The following EFCAB10 variants were observed in gnomAD, a reference collection of about 807,000 sequenced individuals.
The protein encoded by EFCAB10 is EF-hand calcium-binding domain-containing protein 10.
Under a neutral mutation model 7.7 loss-of-function variants are expected in EFCAB10, and 7 were observed. The ratio of observed to expected loss-of-function variants is 0.91; its 90% CI spans 0.52 to 1.72. EFCAB10 has a LOEUF of 1.72. EFCAB10 is among the 40% of genes most tolerant of loss of function. The probability of loss-of-function intolerance (pLI) is 0.00; values close to 1 mark genes in which losing one functional copy is unlikely to be tolerated. For missense variants in EFCAB10, 112 were observed against 61.5 expected, an observed-to-expected ratio of 1.82 and a Z score of -2.74; for synonymous variants, 52 against 21.0, an observed-to-expected ratio of 2.47 and a Z score of -4.03.
intron 1 of EFCAB10, among the ~76,000 whole-genome samples, chr7:105,570,692 T>A (rs1791927575): frequency 6.6e-6 from 1 of 152,088 alleles, no homozygotes; most frequent in Non-Finnish European, 1.5e-5. Flanking sequence ...TTTATAGGCA[T>A]GAGCCACCAT....
At chr7:105,572,738 A>C (rs1201305009) in intron 1 of EFCAB10, 1 of 152,250 alleles carries the variant, frequency 6.6e-6, no homozygotes, top group African/African-American at 2.4e-5. Flanking sequence ...TATGTTGCTC[A>C]GGCTGGTCTT....
At chr7:105,570,528 C>T (rs1791922594) in intron 1 of EFCAB10, among the ~76,000 whole-genome samples, 1 of 151,678 alleles carries the variant, frequency 6.6e-6, no homozygotes. Context: ...ATATACCACT[C>T]CTGCTGCCTG....
intron 4 of EFCAB10, 185 bp from the exon 5 acceptor site, chr7:105,565,632 G>C (rs752766479): frequency 5.6e-6 from 9 of 1,604,128 alleles, no homozygotes; most frequent in Non-Finnish European, 8.5e-7. Context: ...CAAGAGACCA[G>C]AAAATTATTT....
chr7:105,579,299 T>A (rs910519572), intron 1 of EFCAB10, among the ~76,000 whole-genome samples: 1 of 152,036 alleles, frequency 6.6e-6, no homozygotes. Context: ...AAGCCGTGAA[T>A]AACCACTGTG....
intron 4 of EFCAB10, chr7:105,566,291 A>T (rs1396234064): frequency 6.6e-6 from 1 of 152,190 alleles, no homozygotes; most frequent in Non-Finnish European, 1.5e-5. Flanking sequence ...CAGGCCTGAA[A>T]GAAATTTGTT....
At chr7:105,573,347 T>C (rs1476553667) in intron 1 of EFCAB10, 1 of 152,196 alleles carries the variant, frequency 6.6e-6, no homozygotes, top group Non-Finnish European at 1.5e-5. Flanking sequence ...AAGGCCAAGT[T>C]TGAATTTCAA....
At chr7:105,577,083 AG>A (rs1792100268) in intron 1 of EFCAB10, among the ~76,000 whole-genome samples, 1 of 137,702 alleles carries the variant, frequency 7.3e-6, no homozygotes, top group African/African-American at 3.5e-5. Flanking sequence ...CCCATGTCTC[AG>A]TTTTAAAAAA....
Position 105,581,378 on chromosome 7 carries a change from G to A in EFCAB10, c.86C>T (p.Ala29Val), listed in dbSNP as rs1314604609. The change falls in exon 1 of 5, where the codon GCC (alanine) becomes GTC (valine). Residue 29 changes from alanine (A) to valine (V), a missense_variant. By Grantham distance (64) the Ala-to-Val change is moderately conservative. Transcript: ENST00000480514. Reference protein sequence around the residue: ...IKEVVSYLTSALLFFRPEKPK... With the variant: ...IKEVVSYLTSVLLFFRPEKPK... ...CTTACCCGGCCGAAAGAAAAGGAGG[G>A]CGCTGGTGAGGTAGCTAACCACCTC... 1 of 703,026 alleles carries A rather than the reference G, an allele frequency of 1.4e-6. No individual in the cohort carries two copies. The highest frequency in any genetic ancestry group is 1.5e-5 in the South Asian group (1 of 67,600). 43.5% of individuals were successfully genotyped at this position (703,026 alleles called of 1,614,324 possible).
At position 105,581,381 on chromosome 7, in the gene EFCAB10, C is replaced by T; in HGVS notation, c.83G>A (p.Ser28Asn). Residue 28 changes from serine (S) to asparagine (N), a missense_variant, in exon 1 of 5, where the codon AGC (serine) becomes AAC (asparagine). Coordinates refer to ENST00000480514, the MANE Select transcript of EFCAB10 (RefSeq NM_001355526.2). Reference sequence around the variant, plus strand: ...ACCCGGCCGAAAGAAAAGGAGGGCGCTGGTGAGGTAGCTAACCACCTCCTT... The same window carrying T: ...ACCCGGCCGAAAGAAAAGGAGGGCGTTGGTGAGGTAGCTAACCACCTCCTT... ...QIKEVVSYLT[S>N]ALLFFRPEKP... is the part of the protein sequence containing the mutation. The T allele has an allele frequency of 2.8e-6, 2 of 702,990 alleles. No homozygotes were observed. Among genetic ancestry groups the T allele is most frequent in the Non-Finnish European group, 5.2e-6 (2 of 384,992 alleles). The allele number at this position is 702,990 out of a possible 1,614,324, so 43.5% of individuals were successfully genotyped here.
intron 1 of EFCAB10, chr7:105,571,753 A>G (rs529734460): frequency 2.0e-5 from 3 of 152,442 alleles, no homozygotes; most frequent in African/African-American, 7.2e-5. Context: ...CAATTTTACA[A>G]GAGTTTCAAT....
At chr7:105,576,475 C>T (rs1792082232) in intron 1 of EFCAB10, among the ~76,000 whole-genome samples, 1 of 152,096 alleles carries the variant, frequency 6.6e-6, no homozygotes. Context: ...CAGATTCTCA[C>T]TCTGTTGCCC....
chr7:105,565,827 C>G (rs539403484), intron 4 of EFCAB10, among the ~76,000 whole-genome samples: 10 of 152,212 alleles, frequency 6.6e-5, no homozygotes, highest in African/African-American at 2.2e-4. Flanking sequence ...TAGATGTGAC[C>G]CATGACCTCA....
intron 1 of EFCAB10, chr7:105,573,170 C>T (rs553276202): frequency 2.6e-5 from 4 of 152,038 alleles, no homozygotes; most frequent in South Asian, 4.2e-4. Context: ...TTTTTCATCC[C>T]TGGGAATTTA....
intron 1 of EFCAB10, among the ~76,000 whole-genome samples, chr7:105,577,539 G>A (rs1034678282): frequency 4.0e-5 from 6 of 151,680 alleles, no homozygotes; most frequent in Non-Finnish European, 7.4e-5. Context: ...GTGTGATTCT[G>A]TGTTGCAACC....
At chr7:105,579,131 T>C (rs1030867756) in intron 1 of EFCAB10, among the ~76,000 whole-genome samples, 9 of 152,134 alleles carry the variant, frequency 5.9e-5, no homozygotes, top group African/African-American at 1.9e-4. Context: ...GTTCCCAAAA[T>C]CTTTACCCCT....
Position 105,565,327 on chromosome 7 carries a change from G to C in EFCAB10, c.*120C>G, listed in dbSNP as rs1396876913. On this transcript the variant is annotated 3_prime_UTR_variant, in exon 5 of 5. Transcript: ENST00000480514. ...GAGCAGGCAGTGATGTCCCTGTCCA[G>C]TTCGGCTTGCCCGTTGCTGCTGACG... 6.2e-7 allele frequency: 1 copy of C among 1,614,204 alleles called. No individual in the cohort carries two copies. Among genetic ancestry groups the C allele is most frequent in the Non-Finnish European group, 8.5e-7 (1 of 1,180,026 alleles).
intron 1 of EFCAB10, among the ~76,000 whole-genome samples, chr7:105,578,317 A>C (rs888076812): frequency 6.6e-6 from 1 of 152,244 alleles, no homozygotes; most frequent in Non-Finnish European, 1.5e-5. Flanking sequence ...ACAATTTGGT[A>C]AATTCTCAAG....
intron 1 of EFCAB10, among the ~76,000 whole-genome samples, chr7:105,570,435 C>T (rs751672671): frequency 2.6e-5 from 4 of 151,328 alleles, no homozygotes; most frequent in East Asian, 3.9e-4. Flanking sequence ...TAAAAAATCA[C>T]GATCAACTTA....
chr7:105,578,525 C>T (rs1344572450), intron 1 of EFCAB10, among the ~76,000 whole-genome samples: 1 of 152,052 alleles, frequency 6.6e-6, no homozygotes, highest in Non-Finnish European at 1.5e-5. Context: ...CCATAAAGTA[C>T]CTAGAGCACA....
Sources: allele counts gnomAD v4.1 joint callset (sites outside exome capture counted in the v4.1 genomes callset), GRCh38; gene constraint gnomAD v4.1.1; transcripts MANE v1.5; gene names NCBI Gene and HGNC (gene_info 2026-07-23, HGNC 2026-07-21).